The following TNKS variants were observed in gnomAD, a reference collection of about 807,000 sequenced individuals.
TNKS encodes the protein tankyrase.
TNKS carries 72 observed loss-of-function variants against 135.8 expected under a neutral mutation model. The ratio of observed to expected loss-of-function variants is 0.53; its 90% CI spans 0.44 to 0.64. The LOEUF (loss-of-function observed/expected upper bound fraction) is 0.64, where lower values mean the gene tolerates loss of function less well. Ranked by LOEUF, TNKS falls within the 30% of genes least tolerant of loss-of-function variation. TNKS has a pLI of 0.00. For missense variants in TNKS, 1,769 were observed against 1,674.0 expected, an observed-to-expected ratio of 1.06 and a Z score of -0.99; for synonymous variants, 849 against 649.3, an observed-to-expected ratio of 1.31 and a Z score of -4.68.
At chr8:9,594,001 C>T (rs1798681879) in intron 2 of TNKS, among the ~76,000 whole-genome samples, 1 of 152,112 alleles carries the variant, frequency 6.6e-6, no homozygotes, top group South Asian at 2.1e-4. Flanking sequence ...ATTCTGCTGC[C>T]TCAGCCTCCC....
chr8:9,582,485 A>G (rs1798203093), intron 2 of TNKS, among the ~76,000 whole-genome samples: 1 of 152,190 alleles, frequency 6.6e-6, no homozygotes, highest in Non-Finnish European at 1.5e-5. Context: ...TACATTTGAT[A>G]TTTTTGAAAA....
intron 17 of TNKS, chr8:9,741,839 T>C: frequency 2.9e-6 from 1 of 340,950 alleles, no homozygotes; most frequent in Non-Finnish European, 6.7e-6. Context: ...ATGCAATCGG[T>C]CTCCTGACCG....
intron 20 of TNKS, among the ~76,000 whole-genome samples, chr8:9,756,785 C>G (rs1001419711): frequency 6.6e-6 from 1 of 152,078 alleles, no homozygotes; most frequent in African/African-American, 2.4e-5. Flanking sequence ...AAATACAGTT[C>G]TCCAGTTGCT....
intron 18 of TNKS, among the ~76,000 whole-genome samples, chr8:9,748,847 C>G (rs2128827000): frequency 6.6e-6 from 1 of 152,280 alleles, no homozygotes; most frequent in Admixed American, 6.5e-5. Flanking sequence ...TTCTTCTGGT[C>G]TTACCTGGGG....
chr8:9,752,188 A>G (rs1048873658), intron 19 of TNKS, among the ~76,000 whole-genome samples: 2 of 152,200 alleles, frequency 1.3e-5, no homozygotes, highest in African/African-American at 2.4e-5. Flanking sequence ...ATTCATTAAA[A>G]GCTTTAGATG....
chr8:9,655,279 G>A (rs1348727779), intron 3 of TNKS, among the ~76,000 whole-genome samples: 1 of 152,228 alleles, frequency 6.6e-6, no homozygotes, highest in African/African-American at 2.4e-5. Context: ...CGCAGCTCAA[G>A]GAGGCCTGCC....
At chr8:9,727,415 A>G (rs13275314) in intron 13 of TNKS, among the ~76,000 whole-genome samples, 125,561 of 152,084 alleles carry the variant, frequency 0.83, 51,992 homozygotes, top group Admixed American at 0.88. Flanking sequence ...TTGTTTGGAG[A>G]TTGGTCTTTT....
At chr8:9,776,628 T>G (rs747229427) in intron 26 of TNKS, 22 bp from the exon 27 acceptor site, 1 of 1,611,300 alleles carries the variant, frequency 6.2e-7, no homozygotes, top group Non-Finnish European at 8.5e-7. Flanking sequence ...GGGTGATTTG[T>G]TTTTCTTCTT....
chr8:9,568,607 C>G (rs995547089), intron 1 of TNKS, among the ~76,000 whole-genome samples: 2 of 152,034 alleles, frequency 1.3e-5, no homozygotes, highest in African/African-American at 4.8e-5. Context: ...TGAGAAGCAG[C>G]ATTATTTTAC....
chr8:9,663,988 C>A (rs751755405), intron 3 of TNKS, among the ~76,000 whole-genome samples: 5 of 152,184 alleles, frequency 3.3e-5, no homozygotes, highest in Non-Finnish European at 7.3e-5. Context: ...CTGAAAGTTC[C>A]ACCCATCCAG....
At chr8:9,722,048 C>G (rs1279666411) in intron 12 of TNKS, among the ~76,000 whole-genome samples, 3 of 125,418 alleles carry the variant, frequency 2.4e-5, no homozygotes, top group Non-Finnish European at 5.1e-5. Flanking sequence ...CAGAGCGAGA[C>G]TCCATCTCAA....
chr8:9,602,537 T>C (rs1196921009), intron 2 of TNKS, among the ~76,000 whole-genome samples: 1 of 152,176 alleles, frequency 6.6e-6, no homozygotes, highest in Non-Finnish European at 1.5e-5. Flanking sequence ...TTCATGTCTT[T>C]ATCATTGTAG....
At chr8:9,594,036 G>A (rs533056181) in intron 2 of TNKS, among the ~76,000 whole-genome samples, 5 of 152,038 alleles carry the variant, frequency 3.3e-5, no homozygotes, top group East Asian at 3.9e-4. Flanking sequence ...GTAGGAACCC[G>A]CCACCACGCA....
chr8:9,637,836 T>C (rs1252283146), intron 3 of TNKS, among the ~76,000 whole-genome samples: 2 of 152,218 alleles, frequency 1.3e-5, no homozygotes, highest in Non-Finnish European at 2.9e-5. Flanking sequence ...CAATTAAGAA[T>C]GCAAGCAATG....
chr8:9,680,060 A>G (rs1478795982), intron 4 of TNKS, 73 bp downstream of exon 4: 5 of 1,088,076 alleles, frequency 4.6e-6, no homozygotes, highest in African/African-American at 1.5e-5. Context: ...GTGGAGGACT[A>G]TAAAAAATAT....
intron 22 of TNKS, 50 bp from the exon 23 acceptor site, chr8:9,764,666 A>G (rs766566933): frequency 2.8e-6 from 4 of 1,436,444 alleles, no homozygotes; most frequent in African/African-American, 2.9e-5. Flanking sequence ...ATCATTGTCT[A>G]GAATTACACA....
At chr8:9,677,263 G>C (rs2128795786) in intron 3 of TNKS, among the ~76,000 whole-genome samples, 1 of 152,324 alleles carries the variant, frequency 6.6e-6, no homozygotes, top group South Asian at 2.1e-4. Flanking sequence ...ACCTGTGTCT[G>C]ACTCTGTTGG....
chr8:9,562,266 A>G (rs192898162), intron 1 of TNKS, among the ~76,000 whole-genome samples: 1 of 152,050 alleles, frequency 6.6e-6, no homozygotes, highest in African/African-American at 2.4e-5. Context: ...ATGTGCTAAT[A>G]TTTTCTCCCA....
At chr8:9,578,693 A>C (rs1247346001) in intron 1 of TNKS, among the ~76,000 whole-genome samples, 4 of 152,194 alleles carry the variant, frequency 2.6e-5, no homozygotes, top group African/African-American at 7.2e-5. Context: ...ACATATGCCC[A>C]AAATAAAGGA....
Sources: gnomAD v4.1 joint callset for allele counts (sites outside exome capture counted in the v4.1 genomes callset) on GRCh38, gnomAD v4.1.1 for gene constraint, MANE v1.5 for transcripts, NCBI Gene and HGNC (gene_info 2026-07-23, HGNC 2026-07-21) for gene names.